The following CMTR1 variants were observed in gnomAD, a reference collection of about 807,000 sequenced individuals.
CMTR1 encodes the protein cap methyltransferase 1.
Under a neutral mutation model 107.0 loss-of-function variants are expected in CMTR1, and 39 were observed. The ratio of observed to expected loss-of-function variants is 0.36; its 90% CI spans 0.28 to 0.48. The LOEUF (loss-of-function observed/expected upper bound fraction) is 0.48. CMTR1 is among the 20% of genes least tolerant of loss of function. CMTR1 has a pLI of 0.99. For synonymous variants in CMTR1, 366 were observed against 379.5 expected, an observed-to-expected ratio of 0.96 and a Z score of 0.41; for missense variants, 672 against 1,064.9, an observed-to-expected ratio of 0.63 and a Z score of 5.14.
At chr6:37,468,509 G>A (rs1191833793) in intron 13 of CMTR1, among the ~76,000 whole-genome samples, 2 of 152,044 alleles carry the variant, frequency 1.3e-5, no homozygotes, top group East Asian at 1.9e-4. Context: ...GAATCATTTT[G>A]CTTCACCCTA....
intron 8 of CMTR1, among the ~76,000 whole-genome samples, chr6:37,455,395 A>G (rs1398503368): frequency 6.6e-6 from 1 of 152,196 alleles, no homozygotes; most frequent in Non-Finnish European, 1.5e-5. Flanking sequence ...GAAGTTTTTA[A>G]GTAGGTCTGT....
chr6:37,453,954 C>A (rs569883550), intron 8 of CMTR1, among the ~76,000 whole-genome samples: 4 of 152,210 alleles, frequency 2.6e-5, no homozygotes, highest in Non-Finnish European at 5.9e-5. Context: ...CTCTGCCTCT[C>A]TGAACAAGCT....
chr6:37,432,951 A>C (rs148764082), upstream of CMTR1, among the ~76,000 whole-genome samples: 262 of 152,374 alleles, frequency 1.7e-3, 1 homozygote, highest in African/African-American at 6.0e-3. Flanking sequence ...AAATGAAGAT[A>C]ATGATAAGAT....
upstream of CMTR1, among the ~76,000 whole-genome samples, chr6:37,432,500 G>A (rs940811260): frequency 1.3e-5 from 2 of 152,182 alleles, no homozygotes; most frequent in African/African-American, 4.8e-5. Context: ...GGGGTGAATG[G>A]ATGGATTTGA....
At chr6:37,457,770 A>G (rs1246874910) in intron 8 of CMTR1, among the ~76,000 whole-genome samples, 2 of 152,174 alleles carry the variant, frequency 1.3e-5, no homozygotes, top group East Asian at 1.9e-4. Context: ...GACAGAGGCT[A>G]TGATGGGAAA....
intron 13 of CMTR1, among the ~76,000 whole-genome samples, chr6:37,469,521 C>CTTTTTTTTTTTTTTTTTT (rs763917812): frequency 1.1e-4 from 7 of 61,596 alleles, no homozygotes; most frequent in South Asian, 6.8e-4. Context: ...TTGTTTTATC[C>CTTTTTTTTTTTTTTTTTT]TTTTTTTTTT....
intron 1 of CMTR1, among the ~76,000 whole-genome samples, chr6:37,433,822 C>T (rs1771455290): frequency 6.6e-6 from 1 of 152,224 alleles, no homozygotes; most frequent in South Asian, 2.1e-4. Context: ...GAGCAGGGCA[C>T]TGGTTAGCTG....
Position 37,453,075 on chromosome 6 carries a change from A to G in CMTR1, c.638A>G (p.Glu213Gly). The change falls in exon 7 of 24, where the codon GAG becomes GGG. Residue 213 changes from glutamate to glycine, a missense_variant. By Grantham distance (98) the Glu-to-Gly change is moderately conservative (BLOSUM62 -2). Coordinates refer to ENST00000373451, the MANE Select transcript of CMTR1 (RefSeq NM_015050.3). ...KSVFDVLDGE[E>G]MRRARTRANP... ...GTGTTTGATGTCTTGGATGGGGAAG[A>G]GATGCGGCGAGCTCGGACTCGGGCC... is the stretch of plus-strand genomic sequence containing the variant. The G allele has an allele frequency of 6.2e-7, 1 of 1,614,072 alleles. No individual in the cohort carries two copies. The highest frequency in any genetic ancestry group is 8.5e-7 in the Non-Finnish European group (1 of 1,179,998).
intron 13 of CMTR1, among the ~76,000 whole-genome samples, chr6:37,463,724 G>A (rs1476018271): frequency 2.0e-5 from 3 of 152,074 alleles, no homozygotes; most frequent in African/African-American, 7.2e-5. Context: ...GATAGAGGTG[G>A]CCCTGGAGAA....
rs7750907 is a variant in CMTR1 at position 37,443,502 on chromosome 6, G to T, written c.134-497G>T. 2.9e-4 allele frequency among the ~76,000 whole-genome samples: 44 copies of T among 151,970 alleles called. 1 individual carries two copies. Among genetic ancestry groups the T allele is most frequent in the Non-Finnish European group, 7.4e-5 (5 of 67,960 alleles). ...CCCAAGTAGCTTGGATTACAGGCAC[G>T]CACTACCACACCCAGCTAATTTTTG... is the stretch of plus-strand genomic sequence containing the variant. On this transcript the variant is annotated intron_variant, in intron 2 of 23. Coordinates refer to ENST00000373451, the MANE Select transcript of CMTR1 (RefSeq NM_015050.3).
At chr6:37,464,421 C>T (rs548941891) in intron 13 of CMTR1, among the ~76,000 whole-genome samples, 28 of 151,022 alleles carry the variant, frequency 1.9e-4, no homozygotes, top group Admixed American at 4.6e-4. Flanking sequence ...GAGCCGAGAT[C>T]GCGCCACTGC....
chr6:37,471,059 A>T lies in CMTR1; in HGVS notation c.1544A>T (p.His515Leu). Reference sequence around the variant, plus strand: ...CAGATCAAAGCTCTGGCGAAAATCCATGCCTTTGTTCAAGACACGTGAGTG... The same window carrying T: ...CAGATCAAAGCTCTGGCGAAAATCCTTGCCTTTGTTCAAGACACGTGAGTG... ...SLQIKALAKI[H>L]AFVQDTTLSE... Residue 515 changes from histidine (H) to leucine (L), a missense_variant, in exon 14 of 24, where the codon CAT becomes CTT. Physicochemically the swap from His to Leu is moderately conservative, Grantham distance 99 (BLOSUM62 -3). Transcript: ENST00000373451. 2 of 1,606,972 alleles carry T rather than the reference A, an allele frequency of 1.2e-6. No homozygotes were observed. The highest frequency in any genetic ancestry group is 1.7e-6 in the Non-Finnish European group (2 of 1,176,636).
At chr6:37,457,337 C>T (rs915948422) in intron 8 of CMTR1, among the ~76,000 whole-genome samples, 2 of 152,114 alleles carry the variant, frequency 1.3e-5, no homozygotes, top group Non-Finnish European at 2.9e-5. Flanking sequence ...CTGGGTGCTC[C>T]GAGCGTTGCC....
At chr6:37,478,602 G>C in intron 22 of CMTR1, 81 bp downstream of exon 22, 1 of 1,171,220 alleles carries the variant, frequency 8.5e-7, no homozygotes, top group Non-Finnish European at 1.3e-6. Context: ...CCCTACCTGA[G>C]CCAGAGCGAA....
chr6:37,456,531 G>A (rs1475198098), intron 8 of CMTR1, among the ~76,000 whole-genome samples: 2 of 152,200 alleles, frequency 1.3e-5, no homozygotes, highest in African/African-American at 4.8e-5. Context: ...TCACCTAGAA[G>A]TGATTGGGTT....
intron 13 of CMTR1, among the ~76,000 whole-genome samples, chr6:37,464,725 A>ATT (rs1761470616): frequency 6.6e-6 from 1 of 152,044 alleles, no homozygotes; most frequent in Non-Finnish European, 1.5e-5. Context: ...CACTTGAGAT[A>ATT]TTTCCAGTTT....
upstream of CMTR1, among the ~76,000 whole-genome samples, chr6:37,430,400 G>A (rs1391345): frequency 0.32 from 39,702 of 123,198 alleles, 6,795 homozygotes; most frequent in African/African-American, 0.57. Flanking sequence ...ATATATATAT[G>A]TGTGTGTGTG....
chr6:37,449,270 T>TA (rs1258050433), intron 4 of CMTR1, among the ~76,000 whole-genome samples: 25 of 146,538 alleles, frequency 1.7e-4, no homozygotes, highest in African/African-American at 4.3e-4. Flanking sequence ...TATTTTATGT[T>TA]TTGTTATGTT....
At chr6:37,469,847 T>C (rs1180249113) in intron 13 of CMTR1, among the ~76,000 whole-genome samples, 1 of 151,692 alleles carries the variant, frequency 6.6e-6, no homozygotes, top group Non-Finnish European at 1.5e-5. Context: ...GTTTTATTCT[T>C]TCCTCTGCTT....
Sources: gnomAD v4.1 joint callset for allele counts (sites outside exome capture counted in the v4.1 genomes callset) on GRCh38, gnomAD v4.1.1 for gene constraint, MANE v1.5 for transcripts, NCBI Gene and HGNC (gene_info 2026-07-23, HGNC 2026-07-21) for gene names.